Variants in OR1J2 observed in about 807,000 individuals in gnomAD.
The protein encoded by OR1J2 is olfactory receptor family 1 subfamily J member 2, also known as olfactory receptor 1J2.
For missense variants in OR1J2, 304 were observed against 246.1 expected (o/e 1.24, Z -1.57); for synonymous variants, 142 against 99.7 (o/e 1.42, Z -2.52).
chr9:122,455,887 G>A, the OR1J2 span, among the ~76,000 whole-genome samples: 1 of 152,044 alleles, frequency 6.6e-6, no homozygotes, highest in Non-Finnish European at 1.5e-5. Context: ...TGAAGTAAGG[G>A]CTCAACTTTA....
At chr9:122,552,389 G>A in the OR1J2 span, among the ~76,000 whole-genome samples, 7 of 152,252 alleles carry the variant, frequency 4.6e-5, no homozygotes, top group East Asian at 1.2e-3. Context: ...GATAAATGTA[G>A]TACAAATGTA....
At chr9:122,489,826 G>A in the OR1J2 span, among the ~76,000 whole-genome samples, 2 of 152,102 alleles carry the variant, frequency 1.3e-5, no homozygotes, top group Non-Finnish European at 2.9e-5. Flanking sequence ...CAGATACATG[G>A]GGAAGGCACA....
chr9:122,448,930 G>A, the OR1J2 span: 1 of 142,422 alleles, frequency 7.0e-6, no homozygotes, highest in Non-Finnish European at 1.5e-5. Flanking sequence ...ATACACCCAG[G>A]AGTTTGAGAC....
the OR1J2 span, among the ~76,000 whole-genome samples, chr9:122,574,794 C>T: frequency 6.6e-6 from 1 of 152,036 alleles, no homozygotes; most frequent in South Asian, 2.1e-4. Flanking sequence ...CTCCTAGTTT[C>T]TCGCCATCAT....
the OR1J2 span, among the ~76,000 whole-genome samples, chr9:122,451,920 C>T: frequency 6.6e-6 from 1 of 152,166 alleles, no homozygotes; most frequent in Non-Finnish European, 1.5e-5. Flanking sequence ...GCTCTGTCGC[C>T]CAGGCTGGAG....
At chr9:122,519,216 GTGTTCTTCACCC>G in the OR1J2 span, 664 of 1,614,090 alleles carry the variant, frequency 4.1e-4, 10 homozygotes, top group South Asian at 6.8e-3. Flanking sequence ...GCAGCAGGCT[GTGTTCTTCACCC>G]TGTTCTTGGG....
At chr9:122,540,396 T>C in the OR1J2 span, among the ~76,000 whole-genome samples, 1 of 152,230 alleles carries the variant, frequency 6.6e-6, no homozygotes, top group South Asian at 2.1e-4. Flanking sequence ...TTCTTGTTTT[T>C]GTCACGTTTG....
chr9:122,483,178 T>A, the OR1J2 span, among the ~76,000 whole-genome samples: 1 of 152,174 alleles, frequency 6.6e-6, no homozygotes, highest in Non-Finnish European at 1.5e-5. Context: ...GTTCATCTAT[T>A]TGAACAGTTT....
the OR1J2 span, among the ~76,000 whole-genome samples, chr9:122,571,016 T>C: frequency 6.6e-6 from 1 of 152,204 alleles, no homozygotes; most frequent in African/African-American, 2.4e-5. Context: ...CCTCTTCATA[T>C]TTTGGTAAAG....
chr9:122,494,856 A>G, the OR1J2 span, among the ~76,000 whole-genome samples: 1 of 152,156 alleles, frequency 6.6e-6, no homozygotes, highest in African/African-American at 2.4e-5. Context: ...GCTCCCTTTA[A>G]CAGATCTTGT....
upstream of OR1J2, among the ~76,000 whole-genome samples, chr9:122,507,526 C>T (rs981678727): frequency 6.6e-6 from 1 of 152,144 alleles, no homozygotes; most frequent in African/African-American, 2.4e-5. Flanking sequence ...GAGAACGAGC[C>T]TCTCTCCTGA....
chr9:122,462,508 T>C, the OR1J2 span, among the ~76,000 whole-genome samples: 46 of 152,364 alleles, frequency 3.0e-4, no homozygotes, highest in East Asian at 7.7e-3. Flanking sequence ...TTTTGTTGTT[T>C]AATAGGTCCT....
the OR1J2 span, among the ~76,000 whole-genome samples, chr9:122,528,548 A>C: frequency 6.6e-6 from 1 of 152,228 alleles, no homozygotes; most frequent in African/African-American, 2.4e-5. Flanking sequence ...CAGTGAGCCG[A>C]GATCATGCCA....
At chr9:122,502,696 T>A in the OR1J2 span, among the ~76,000 whole-genome samples, 1 of 150,928 alleles carries the variant, frequency 6.6e-6, no homozygotes, top group Non-Finnish European at 1.5e-5. Context: ...TTTCTGCAGG[T>A]CTACTAACAG....
the OR1J2 span, among the ~76,000 whole-genome samples, chr9:122,572,453 G>C: frequency 3.3e-5 from 5 of 152,174 alleles, no homozygotes; most frequent in South Asian, 4.1e-4. Context: ...GATCACCCAT[G>C]CTTATCACGG....
chr9:122,565,517 C>T, the OR1J2 span, among the ~76,000 whole-genome samples: 1 of 152,226 alleles, frequency 6.6e-6, no homozygotes, highest in Non-Finnish European at 1.5e-5. Context: ...GACCTGGCCA[C>T]TGCCACCTTT....
At chr9:122,477,521 T>G in the OR1J2 span, 28 of 1,613,972 alleles carry the variant, frequency 1.7e-5, no homozygotes, top group Non-Finnish European at 2.2e-5. Context: ...CTCTGAGTCA[T>G]GATGGTGGCA....
chr9:122,484,235 C>T, the OR1J2 span, among the ~76,000 whole-genome samples: 1 of 152,032 alleles, frequency 6.6e-6, no homozygotes, highest in Non-Finnish European at 1.5e-5. Flanking sequence ...GATCTCGGCT[C>T]ACTGCAACCT....
At chr9:122,526,715 G>A in the OR1J2 span, 30 of 1,614,008 alleles carry the variant, frequency 1.9e-5, no homozygotes, top group Admixed American at 3.3e-5. Context: ...CCATCATCTC[G>A]TTGATGTGGG....
Sources: allele counts gnomAD v4.1 joint callset (sites outside exome capture counted in the v4.1 genomes callset), GRCh38; gene constraint gnomAD v4.1.1; transcripts MANE v1.5; gene names NCBI Gene and HGNC (gene_info 2026-07-23, HGNC 2026-07-21).